The following DLG2 variants were observed in gnomAD, a reference collection of about 807,000 sequenced individuals.
DLG2 encodes the protein discs large MAGUK scaffold protein 2, also known as disks large homolog 2.
In DLG2, 45 loss-of-function variants were observed where a neutral mutation model predicts 132.5. The ratio of observed to expected loss-of-function variants is 0.34; its 90% confidence interval spans 0.27 to 0.44. The LOEUF (loss-of-function observed/expected upper bound fraction) is 0.44, where lower values mean the gene tolerates loss of function less well. DLG2 is among the 20% of genes least tolerant of loss of function. The probability of loss-of-function intolerance (pLI) is 1.00; values close to 1 mark genes in which losing one functional copy is unlikely to be tolerated. For synonymous variants in DLG2, 424 were observed against 419.6 expected (o/e 1.01, Z -0.13); for missense variants, 1,045 against 1,196.9 (o/e 0.87, Z 1.87).
intron 16 of DLG2, among the ~76,000 whole-genome samples, chr11:83,849,106 A>G (rs1272395413): frequency 6.6e-6 from 1 of 152,146 alleles, no homozygotes; most frequent in East Asian, 1.9e-4. Context: ...TCAGACACAC[A>G]TCTAAGTTTA....
intron 8 of DLG2, among the ~76,000 whole-genome samples, chr11:84,243,931 T>A (rs1172852582): frequency 6.6e-6 from 1 of 152,212 alleles, no homozygotes; most frequent in East Asian, 1.9e-4. Flanking sequence ...GCAGGTAGTA[T>A]TATTCCTATT....
At chr11:84,878,217 T>A (rs954292738) in intron 6 of DLG2, among the ~76,000 whole-genome samples, 12 of 152,194 alleles carry the variant, frequency 7.9e-5, no homozygotes, top group African/African-American at 2.4e-5. Flanking sequence ...ACTGGGTATA[T>A]ACCCAAAGAA....
chr11:85,117,412 A>T (rs1336487385), intron 5 of DLG2, among the ~76,000 whole-genome samples: 9 of 152,126 alleles, frequency 5.9e-5, no homozygotes, highest in African/African-American at 2.2e-4. Context: ...AGCACTTAAA[A>T]CTATTTCTAT....
intron 6 of DLG2, among the ~76,000 whole-genome samples, chr11:84,775,356 A>G (rs117532954): frequency 5.0e-4 from 76 of 152,314 alleles, no homozygotes; most frequent in Non-Finnish European, 9.4e-4. Context: ...CACTGTGGAA[A>G]GCAGTTAGGA....
chr11:84,535,137 G>C (rs1170816144), intron 6 of DLG2, among the ~76,000 whole-genome samples: 1 of 152,212 alleles, frequency 6.6e-6, no homozygotes, highest in African/African-American at 2.4e-5. Context: ...GAAGAAAACA[G>C]AATTCCAATA....
Position 84,822,436 on chromosome 11 carries a change from A to G in DLG2, c.358-287705T>C, listed in dbSNP as rs183218267. On this transcript the variant is annotated intron_variant, in intron 6 of 27. Transcript: ENST00000376104. ...TAGATAAGGATTGTGAAAGTGGTTT[A>G]AATGTGATAAAGCACTAAACTCAAT... 1.1e-4 allele frequency among the ~76,000 whole-genome samples: 17 copies of G among 152,022 alleles called. No individual in the cohort carries two copies. The East Asian group carries it at 3.3e-3, about 30-fold the overall frequency.
At chr11:83,823,309 G>A (rs2051397357) in intron 17 of DLG2, among the ~76,000 whole-genome samples, 1 of 152,082 alleles carries the variant, frequency 6.6e-6, no homozygotes, top group African/African-American at 2.4e-5. Flanking sequence ...ACATAGAGAA[G>A]ACACTTTGAA....
intron 6 of DLG2, among the ~76,000 whole-genome samples, chr11:85,111,270 TGCTCATGACTATTAA>T (rs1406226757): frequency 2.6e-5 from 4 of 152,156 alleles, no homozygotes; most frequent in African/African-American, 9.6e-5. Context: ...CAAGTTGGTG[TGCTCATGACTATTAA>T]GCAGTTGACA....
intron 6 of DLG2, among the ~76,000 whole-genome samples, chr11:84,619,643 C>T (rs1032062743): frequency 2.0e-5 from 3 of 150,888 alleles, no homozygotes; most frequent in African/African-American, 7.3e-5. Context: ...ATGATCATCT[C>T]AACAAATATA....
chr11:83,717,961 T>C (rs1480387449), intron 18 of DLG2, among the ~76,000 whole-genome samples: 1 of 152,176 alleles, frequency 6.6e-6, no homozygotes, highest in Admixed American at 6.5e-5. Context: ...GACTCAATAG[T>C]AAAGGAACAA....
chr11:83,625,696 G>A (rs901569495), intron 19 of DLG2, among the ~76,000 whole-genome samples: 1 of 152,184 alleles, frequency 6.6e-6, no homozygotes, highest in Non-Finnish European at 1.5e-5. Context: ...TCACTAAGAG[G>A]TTATGGGCTG....
chr11:83,794,619 T>G (rs1490694112), intron 17 of DLG2, among the ~76,000 whole-genome samples: 2 of 152,088 alleles, frequency 1.3e-5, no homozygotes, highest in Non-Finnish European at 2.9e-5. Flanking sequence ...ATTGTTAACA[T>G]TAATTGAGCA....
chr11:85,292,673 G>A (rs1360442645), intron 3 of DLG2, among the ~76,000 whole-genome samples: 1 of 77,670 alleles, frequency 1.3e-5, no homozygotes. Context: ...AGGGAGGGAG[G>A]GAGGGAGGGA....
At chr11:84,844,413 C>T (rs539691480) in intron 6 of DLG2, among the ~76,000 whole-genome samples, 46 of 151,580 alleles carry the variant, frequency 3.0e-4, no homozygotes, top group Non-Finnish European at 4.9e-4. Context: ...GATGAGAGGA[C>T]GGTCCCCTCC....
At chr11:84,859,047 G>A (rs1435738286) in intron 6 of DLG2, among the ~76,000 whole-genome samples, 3 of 151,500 alleles carry the variant, frequency 2.0e-5, no homozygotes, top group Non-Finnish European at 2.9e-5. Context: ...TAGTTTACAC[G>A]TCTACGAAAT....
intron 4 of DLG2, among the ~76,000 whole-genome samples, chr11:85,281,452 C>T (rs866252551): frequency 3.3e-5 from 5 of 151,856 alleles, no homozygotes; most frequent in Non-Finnish European, 5.9e-5. Context: ...GCTATAATAA[C>T]GAAGCCTGTG....
intron 3 of DLG2, among the ~76,000 whole-genome samples, chr11:85,458,355 C>T (rs1267983699): frequency 1.3e-5 from 2 of 152,068 alleles, no homozygotes; most frequent in Admixed American, 6.5e-5. Flanking sequence ...TGATCCTTAG[C>T]TTTCTTGCAC....
At chr11:84,499,749 CCTCTCT>C (rs145968511) in intron 7 of DLG2, among the ~76,000 whole-genome samples, 3 of 148,484 alleles carry the variant, frequency 2.0e-5, no homozygotes, top group South Asian at 4.3e-4. Context: ...TATATTCCTT[CCTCTCT>C]CTCTCTCTCT....
At chr11:83,857,215 T>C (rs1307534201) in intron 16 of DLG2, among the ~76,000 whole-genome samples, 1 of 152,204 alleles carries the variant, frequency 6.6e-6, no homozygotes, top group East Asian at 1.9e-4. Flanking sequence ...TTTTGGTTCA[T>C]GTAGCCCTGT....
Sources: allele counts gnomAD v4.1 joint callset (sites outside exome capture counted in the v4.1 genomes callset), GRCh38; gene constraint gnomAD v4.1.1; transcripts MANE v1.5; gene names NCBI Gene and HGNC (gene_info 2026-07-23, HGNC 2026-07-21).